Variants in LPCAT1 observed in about 807,000 individuals in gnomAD.
The protein encoded by LPCAT1 is 1-acylglycerol-3-phosphate O-acyltransferase.
Under a neutral mutation model 60.9 loss-of-function variants are expected in LPCAT1, and 23 were observed. The ratio of observed to expected loss-of-function variants is 0.38; its 90% CI spans 0.27 to 0.53. The LOEUF (loss-of-function observed/expected upper bound fraction) is 0.53. Ranked by LOEUF, LPCAT1 falls within the 20% of genes least tolerant of loss-of-function variation. The pLI is 0.82. For synonymous variants in LPCAT1, 340 were observed against 301.1 expected (o/e 1.13, Z -1.34); for missense variants, 622 against 723.6 (o/e 0.86, Z 1.61).
intron 4 of LPCAT1, among the ~76,000 whole-genome samples, chr5:1,488,957 C>T (rs1735469387): frequency 1.3e-5 from 2 of 152,316 alleles, no homozygotes; most frequent in Non-Finnish European, 1.5e-5. Context: ...CCCTCCACAC[C>T]GGGGTTTCAA....
intron 2 of LPCAT1, among the ~76,000 whole-genome samples, chr5:1,498,554 TACAC>T (rs1286091353): frequency 2.6e-5 from 4 of 152,082 alleles, no homozygotes; most frequent in Non-Finnish European, 4.4e-5. Context: ...CATACATATG[TACAC>T]ACATATACTC....
intron 1 of LPCAT1, among the ~76,000 whole-genome samples, chr5:1,518,318 C>T (rs1028013774): frequency 7.2e-5 from 11 of 152,214 alleles, no homozygotes; most frequent in Non-Finnish European, 1.5e-4. Context: ...GTTGCTTGTC[C>T]CGGGCACAGT....
chr5:1,478,375 T>C (rs1254997515), intron 8 of LPCAT1, among the ~76,000 whole-genome samples: 2 of 152,288 alleles, frequency 1.3e-5, no homozygotes, highest in Non-Finnish European at 2.9e-5. Context: ...GCATCAACAT[T>C]TGCATCTTGT....
At chr5:1,484,875 G>T (rs1225647531) in intron 5 of LPCAT1, among the ~76,000 whole-genome samples, 1 of 152,178 alleles carries the variant, frequency 6.6e-6, no homozygotes, top group African/African-American at 2.4e-5. Flanking sequence ...GCACCTGGGA[G>T]CAAGCTCATG....
chr5:1,501,752 G>A, intron 1 of LPCAT1, 149 bp from the exon 2 acceptor site: 1 of 784,496 alleles, frequency 1.3e-6, no homozygotes. Context: ...GACCAAGGCT[G>A]ACCAGCACTG....
Position 1,463,334 on chromosome 5 carries a change from C to A in LPCAT1, c.*317G>T. The A allele has an allele frequency of 3.2e-6, 1 of 316,036 alleles. No homozygotes were observed. Among genetic ancestry groups the A allele is most frequent in the Non-Finnish European group, 5.9e-6 (1 of 170,274 alleles). The allele number at this position is 316,036 out of a possible 1,614,324, so 19.6% of individuals were successfully genotyped here. A position where few individuals can be genotyped will look rare whatever the true frequency, so the allele number is the denominator to read the frequency against. On this transcript the variant is annotated 3_prime_UTR_variant, in exon 14 of 14. Transcript: ENST00000283415. Reference sequence around the variant, plus strand: ...CCGCCGGAAGAGGCTGTGACAGAGACTCGAAACCAGGGCCCCGTGGGAGAA... The same window carrying A: ...CCGCCGGAAGAGGCTGTGACAGAGAATCGAAACCAGGGCCCCGTGGGAGAA...
chr5:1,512,286 G>A (rs905565657), intron 1 of LPCAT1, among the ~76,000 whole-genome samples: 8 of 152,188 alleles, frequency 5.3e-5, no homozygotes, highest in African/African-American at 1.4e-4. Flanking sequence ...ATATGGAGCC[G>A]CTGGGCCGGC....
intron 10 of LPCAT1, 66 bp downstream of exon 10, chr5:1,474,493 AG>A: frequency 1.9e-6 from 3 of 1,577,002 alleles, no homozygotes; most frequent in Non-Finnish European, 2.6e-6. Context: ...AACCCCAGGC[AG>A]CCCCCGCCAG....
chr5:1,475,063 A>T (rs556723701), intron 9 of LPCAT1, among the ~76,000 whole-genome samples: 14 of 152,214 alleles, frequency 9.2e-5, no homozygotes, highest in Non-Finnish European at 1.8e-4. Flanking sequence ...AAACGGTGCT[A>T]ATAGGCTTGC....
In LPCAT1 at chr5:1,463,671, C is replaced by A. The variant is rs1408735162; in HGVS notation, c.1585G>T (p.Val529Phe). Residue 529 changes from valine to phenylalanine, a missense_variant, in exon 14 of 14, where the codon GTT (valine) becomes TTT (phenylalanine). Coordinates refer to ENST00000283415, the MANE Select transcript of LPCAT1 (RefSeq NM_024830.5). ...PENSDAGRKP[V>F]RKKLD ...GGGTCCTAATCCAGCTTCTTGCGAA[C>A]AGGCTTCCGCCCAGCGTCTGAGTTT... The A allele has an allele frequency of 1.2e-6, 2 of 1,614,216 alleles. No individual in the cohort carries two copies. The highest frequency in any genetic ancestry group is 2.2e-5 in the East Asian group (1 of 44,884).
rs929089813 is a variant in LPCAT1 at position 1,481,470 on chromosome 5, C to G, written c.727-494G>C. Among the ~76,000 whole-genome samples, 2 of 152,260 alleles carry G rather than the reference C, an allele frequency of 1.3e-5. No homozygotes were observed. Among genetic ancestry groups the G allele is most frequent in the Admixed American group, 1.3e-4 (2 of 15,290 alleles). On this transcript the variant is annotated intron_variant, in intron 6 of 13. Coordinates refer to ENST00000283415, the MANE Select transcript of LPCAT1 (RefSeq NM_024830.5). The surrounding 1 kb of genome is among the most constrained non-coding windows in gnomAD (Gnocchi z 7.8). The stretch of plus-strand genomic sequence containing the variant: ...GTGCAGGGCCCCCCCACCCCGGGTG[C>G]TCTGAAGTCCCATCTTCAGCCTCAG...
At chr5:1,501,705 T>G in intron 1 of LPCAT1, 102 bp from the exon 2 acceptor site, 1 of 1,215,150 alleles carries the variant, frequency 8.2e-7, no homozygotes, top group Admixed American at 1.9e-5. Context: ...CCCCACAGAG[T>G]GGAGAGCTGG....
Position 1,487,730 on chromosome 5 carries a change from A to C in LPCAT1, c.667+661T>G, listed in dbSNP as rs78779463. Among the ~76,000 whole-genome samples the C allele has an allele frequency of 1.3e-5, 2 of 152,190 alleles. No individual in the cohort carries two copies. The highest frequency in any genetic ancestry group is 2.9e-5 in the Non-Finnish European group (2 of 68,000). ...CAGTTGATGAAAGCCACTACTTTCT[A>C]AAGTAGCCCAAGGGAGACGACAGGA... On this transcript the variant is annotated intron_variant, in intron 5 of 13. Transcript: ENST00000283415. The surrounding 1 kb of genome is among the most constrained non-coding windows in gnomAD (Gnocchi z 6.1).
chr5:1,511,512 C>T (rs1276753597), intron 1 of LPCAT1, among the ~76,000 whole-genome samples: 3 of 150,966 alleles, frequency 2.0e-5, no homozygotes, highest in East Asian at 2.0e-4. Context: ...GCTCACCCTA[C>T]GTGGGGACGT....
chr5:1,477,331 T>C lies in LPCAT1; in HGVS notation c.899+73A>G. On this transcript the variant is annotated intron_variant, in intron 9 of 13. Coordinates refer to ENST00000283415, the MANE Select transcript of LPCAT1 (RefSeq NM_024830.5). The surrounding 1 kb of genome is among the most constrained non-coding windows in gnomAD (Gnocchi z 6.0). ...GCCTTTTCCTAACGCTGTTGCCTAT[T>C]TTAAATATACAGAGAGCAGCACTCT... is the stretch of plus-strand genomic sequence containing the variant. The C allele has an allele frequency of 7.9e-7, 1 of 1,261,580 alleles. No homozygotes were observed. The highest frequency in any genetic ancestry group is 2.0e-5 in the Admixed American group (1 of 49,744). 78.1% of individuals were successfully genotyped at this position (1,261,580 alleles called of 1,614,324 possible). A position where few individuals can be genotyped will look rare whatever the true frequency, so the allele number is the denominator to read the frequency against.
Position 1,483,377 on chromosome 5 carries a change from C to T in LPCAT1, c.726+51G>A, listed in dbSNP as rs766221803. The T allele has an allele frequency of 6.3e-5, 100 of 1,586,454 alleles. No individual in the cohort carries two copies. The East Asian group carries it at 7.4e-4, about 12-fold the overall frequency. Reference sequence around the variant, plus strand: ...GTGCACAGAGGCAGCTCGCAGTTCCCGTTTCCCGGAGAATTCCCCTGGAAG... The same window carrying T: ...GTGCACAGAGGCAGCTCGCAGTTCCTGTTTCCCGGAGAATTCCCCTGGAAG... On this transcript the variant is annotated intron_variant, in intron 6 of 13. Transcript: ENST00000283415. This position sits in a 1 kb window ranked among gnomAD's most constrained non-coding sequence, Gnocchi z 9.2.
At position 1,466,763 on chromosome 5, in the gene LPCAT1, C is replaced by T; in HGVS notation, c.1406G>A (p.Gly469Glu). 6.2e-6 allele frequency: 10 copies of T among 1,612,044 alleles called. No individual in the cohort carries two copies. The highest frequency in any genetic ancestry group is 2.2e-5 in the East Asian group (1 of 44,742). The part of the protein sequence containing the change: ...LFRAIDQEEK[G>E]KITFADFHRF... ...TGCGGGCTCACCGAATGTGATCTTC[C>T]CCTTCTCCTCTTGGTCAATGGCTCG... Residue 469 changes from glycine to glutamate, a missense_variant, in exon 13 of 14, where the codon GGG (glycine) becomes GAG (glutamate). Physicochemically the swap from Gly to Glu is moderately conservative, Grantham distance 98. Around this residue, in one of 3 missense-constraint regions of LPCAT1, gnomAD observed 288 missense variants for 283.6 expected, o/e 1.02. Coordinates refer to ENST00000283415, the MANE Select transcript of LPCAT1 (RefSeq NM_024830.5).
chr5:1,464,121 T>C (rs1734225100), intron 13 of LPCAT1, among the ~76,000 whole-genome samples: 1 of 152,238 alleles, frequency 6.6e-6, no homozygotes, highest in Non-Finnish European at 1.5e-5. Context: ...TCGACAGATA[T>C]ATCCCGGGGA....
chr5:1,468,686 C>T (rs921598169), intron 12 of LPCAT1, among the ~76,000 whole-genome samples: 2 of 152,186 alleles, frequency 1.3e-5, no homozygotes, highest in African/African-American at 2.4e-5. Flanking sequence ...GTAATGATAA[C>T]GAAAAAGAAC....
Sources: gnomAD v4.1 joint callset for allele counts (sites outside exome capture counted in the v4.1 genomes callset) on GRCh38, gnomAD v4.1.1 for gene constraint, gnomAD v4.1.1 regional missense constraint, Gnocchi (gnomAD v3.1) non-coding constraint, MANE v1.5 for transcripts, NCBI Gene and HGNC (gene_info 2026-07-23, HGNC 2026-07-21) for gene names.